Variants in CAPN3 observed in about 807,000 individuals in gnomAD.
CAPN3 encodes the protein calpain-3.
Under a neutral mutation model 114.0 loss-of-function variants are expected in CAPN3, and 88 were observed. That is an observed-to-expected ratio of 0.77 (90% CI 0.65 to 0.92). CAPN3 has a LOEUF of 0.92. Among genes scored for constraint, CAPN3 ranks in the 40% least tolerant of loss-of-function variants. CAPN3 has a pLI of 0.00. For synonymous variants in CAPN3, 386 were observed against 382.9 expected, an observed-to-expected ratio of 1.01 and a Z score of -0.09; for missense variants, 1,028 against 1,069.0, an observed-to-expected ratio of 0.96 and a Z score of 0.53.
intron 12 of CAPN3, 89 bp downstream of exon 12, chr15:42,402,224 G>A: frequency 6.2e-7 from 1 of 1,606,384 alleles, no homozygotes; most frequent in East Asian, 2.2e-5. Context: ...GCTTCCTGGT[G>A]GGGTTTGTGG....
intron 1 of CAPN3, among the ~76,000 whole-genome samples, chr15:42,382,552 A>G (rs942668107): frequency 1.3e-5 from 2 of 152,084 alleles, no homozygotes; most frequent in Non-Finnish European, 2.9e-5. Flanking sequence ...TAATCTTTGT[A>G]GAGACGGGGT....
At chr15:42,411,115 C>A in intron 22 of CAPN3, 115 bp downstream of exon 22, 1 of 1,039,980 alleles carries the variant, frequency 9.6e-7, no homozygotes, top group Non-Finnish European at 1.5e-6. Flanking sequence ...GGCCAATGAC[C>A]TCTTTAGGCC....
intron 10 of CAPN3, among the ~76,000 whole-genome samples, 183 bp downstream of exon 10, chr15:42,399,835 T>G (rs1332894468): frequency 2.0e-5 from 3 of 152,224 alleles, no homozygotes; most frequent in Non-Finnish European, 2.9e-5. Flanking sequence ...GTAGCAACTT[T>G]GAAGCAGGAA....
chr15:42,380,459 C>T (rs1186632452), intron 1 of CAPN3, among the ~76,000 whole-genome samples: 2 of 132,906 alleles, frequency 1.5e-5, no homozygotes, highest in Non-Finnish European at 3.1e-5. Context: ...TGGCTCACTG[C>T]AACCTCTGCC....
At chr15:42,392,473 A>G (rs533809330) in intron 6 of CAPN3, among the ~76,000 whole-genome samples, 166 bp from the exon 7 acceptor site, 1 of 152,308 alleles carries the variant, frequency 6.6e-6, no homozygotes, top group East Asian at 1.9e-4. Context: ...TGGCACTCTT[A>G]AAGGGCCACT....
At chr15:42,368,525 G>T (rs1201356071) in intron 1 of CAPN3, among the ~76,000 whole-genome samples, 2 of 152,122 alleles carry the variant, frequency 1.3e-5, no homozygotes, top group East Asian at 3.8e-4. Flanking sequence ...ATTAAATAAG[G>T]TGTCTTTAAG....
In CAPN3 at chr15:42,410,646, G is replaced by A. The variant is rs587780290; in HGVS notation, c.2243G>A (p.Arg748Gln). The A allele has an allele frequency of 1.2e-5, 19 of 1,613,734 alleles. No individual in the cohort carries two copies. In the Admixed American group the frequency reaches 1.3e-4, roughly 11 times the overall value. Residue 748 changes from arginine (R) to glutamine (Q), a missense_variant, in exon 21 of 24, where the codon CGA becomes CAA. Transcript: ENST00000397163. ...QSGTINSYEM[R>Q]NAVNDAGFHL... Reference sequence around the variant, plus strand: ...GGCACCATCAACAGCTACGAGATGCGAAATGCAGTCAACGACGCAGGTGCT... The same window carrying A: ...GGCACCATCAACAGCTACGAGATGCAAAATGCAGTCAACGACGCAGGTGCT...
chr15:42,386,386 T>G (rs1338183341), intron 3 of CAPN3, 101 bp downstream of exon 3: 1 of 849,806 alleles, frequency 1.2e-6, no homozygotes, highest in Non-Finnish European at 2.0e-6. Flanking sequence ...TTCCCACCCA[T>G]CTACCCGCAG....
intron 1 of CAPN3, among the ~76,000 whole-genome samples, chr15:42,380,764 T>A (rs891339996): frequency 7.4e-6 from 1 of 135,026 alleles, no homozygotes; most frequent in African/African-American, 2.9e-5. Flanking sequence ...TTTTTTTTTT[T>A]TTTTTTTGTA....
chr15:42,369,818 C>CACCA (rs1262554829), intron 1 of CAPN3, among the ~76,000 whole-genome samples: 1 of 151,774 alleles, frequency 6.6e-6, no homozygotes, highest in Non-Finnish European at 1.5e-5. Context: ...GACAGATGGC[C>CACCA]ACCAACTTCC....
intron 16 of CAPN3, chr15:42,408,924 AC>A: frequency 3.2e-6 from 1 of 316,896 alleles, no homozygotes; most frequent in Non-Finnish European, 6.1e-6. Context: ...TTCTCTGAGG[AC>A]TTGGCCTTGA....
intron 1 of CAPN3, 136 bp from the exon 2 acceptor site, chr15:42,384,347 G>T: frequency 1.4e-6 from 1 of 707,270 alleles, no homozygotes. Flanking sequence ...CGGAGGCAGA[G>T]GTTTCAGTGA....
chr15:42,386,979 T>G (rs1056948270), intron 3 of CAPN3, among the ~76,000 whole-genome samples: 26 of 152,240 alleles, frequency 1.7e-4, no homozygotes, highest in African/African-American at 6.0e-4. Flanking sequence ...CATTATCAGT[T>G]CTTGCTCCCC....
chr15:42,384,561 G>C lies in CAPN3; in HGVS notation c.379+9G>C. ...CTGTCAAGGAGAGCTAGGTAGGAAA[G>C]TGCCTCAGGTCAGATCCTGCCAGAT... On this transcript the variant is annotated intron_variant, in intron 2 of 23. Coordinates refer to ENST00000397163, the MANE Select transcript of CAPN3 (RefSeq NM_000070.3). 1 of 1,604,362 alleles carries C rather than the reference G, an allele frequency of 6.2e-7. No individual in the cohort carries two copies. Among genetic ancestry groups the C allele is most frequent in the South Asian group, 1.1e-5 (1 of 90,890 alleles).
rs756935947 is a variant in CAPN3 at position 42,405,876 on chromosome 15, G to C, written c.1783-50G>C. 9.8e-6 allele frequency: 15 copies of C among 1,522,984 alleles called. No individual in the cohort carries two copies. The East Asian group carries it at 3.4e-4, about 34-fold the overall frequency. The allele number at this position is 1,522,984 out of a possible 1,614,324, so 94.3% of individuals were successfully genotyped here. On this transcript the variant is annotated intron_variant, in intron 14 of 23. Coordinates refer to ENST00000397163, the MANE Select transcript of CAPN3 (RefSeq NM_000070.3). ...AGCCAAAAGCCACTGGCGGTTCTGA[G>C]AACTTACTTTTCACTTATTCTGCAT...
At chr15:42,381,255 C>G (rs1285932317) in intron 1 of CAPN3, among the ~76,000 whole-genome samples, 1 of 151,972 alleles carries the variant, frequency 6.6e-6, no homozygotes, top group Non-Finnish European at 1.5e-5. Context: ...AGTTCCTGAC[C>G]TGTATCATTT....
At chr15:42,386,740 C>T (rs1435133543) in intron 3 of CAPN3, among the ~76,000 whole-genome samples, 1 of 152,186 alleles carries the variant, frequency 6.6e-6, no homozygotes, top group Non-Finnish European at 1.5e-5. Flanking sequence ...GAAGAAGAGT[C>T]TGCTTAACCT....
chr15:42,411,771 T>G lies in CAPN3; in HGVS notation c.2464T>G (p.Ter822GlyextTer62). The G allele has an allele frequency of 6.2e-7, 1 of 1,604,178 alleles. No individual in the cohort carries two copies. The highest frequency in any genetic ancestry group is 1.1e-5 in the South Asian group (1 of 90,792). ...GTGGCTGCAGCTCACCATGTATGCC[T>G]GAACCAGGCTGGCCTCATCCAAAGC... is the stretch of plus-strand genomic sequence containing the variant. ...LEWLQLTMYA[*>G] The change falls in exon 24 of 24, where the codon TGA (stop) becomes GGA (glycine). Residue 822 changes from the stop codon to glycine (G), a stop_lost. Transcript: ENST00000397163.
chr15:42,389,330 A>G (rs1306870852), intron 5 of CAPN3, among the ~76,000 whole-genome samples: 1 of 152,210 alleles, frequency 6.6e-6, no homozygotes, highest in African/African-American at 2.4e-5. Flanking sequence ...GTCAGTGGAA[A>G]TCAGTCCAGA....
Sources: allele counts gnomAD v4.1 joint callset (sites outside exome capture counted in the v4.1 genomes callset), GRCh38; gene constraint gnomAD v4.1.1; transcripts MANE v1.5; gene names NCBI Gene and HGNC (gene_info 2026-07-23, HGNC 2026-07-21).